The following LRRC7 variants were observed in gnomAD, a reference collection of about 807,000 sequenced individuals.
LRRC7 encodes leucine rich repeat containing 7.
In LRRC7, 23 loss-of-function variants were observed where a neutral mutation model predicts 175.7. The observed-to-expected ratio is 0.13, with a 90% CI of 0.09 to 0.19. The LOEUF is 0.19. Among genes scored for constraint, LRRC7 ranks in the 10% least tolerant of loss-of-function variants. LRRC7 has a pLI of 1.00. For synonymous variants in LRRC7, 685 were observed against 680.9 expected, an observed-to-expected ratio of 1.01 and a Z score of -0.09; for missense variants, 1,354 against 1,904.7, an observed-to-expected ratio of 0.71 and a Z score of 5.38.
At chr1:70,031,089 A>G (rs1381811688) in intron 18 of LRRC7, 5 of 152,198 alleles carry the variant, frequency 3.3e-5, no homozygotes, top group Non-Finnish European at 5.9e-5. Context: ...ATCCTCTATC[A>G]TGTCACATTG....
chr1:69,974,597 T>C (rs971359015), intron 8 of LRRC7, among the ~76,000 whole-genome samples: 5 of 152,198 alleles, frequency 3.3e-5, no homozygotes, highest in Non-Finnish European at 1.5e-5. Context: ...GTTGGTTGAA[T>C]GTAAGCCATT....
chr1:69,858,407 A>G (rs1683968488), intron 7 of LRRC7, among the ~76,000 whole-genome samples: 2 of 152,154 alleles, frequency 1.3e-5, no homozygotes, highest in Admixed American at 1.3e-4. Flanking sequence ...ACTCAAAGAA[A>G]TTTACAACCT....
Position 70,119,521 on chromosome 1 carries a change from A to T in LRRC7, c.4621-2259A>T, listed in dbSNP as rs200418656. Among the ~76,000 whole-genome samples the T allele has an allele frequency of 1.6e-3, 217 of 132,934 alleles. 1 individual carries two copies. The highest frequency in any genetic ancestry group is 6.2e-3 in the African/African-American group (203 of 32,730). The allele number at this position is 132,934 out of a possible 152,430, so 87.2% of individuals were successfully genotyped here. ...AGTGAGTACAAAACAGACATTCTTT[A>T]AAAAAAAAAAATGCTTAAGTAATCA... On this transcript the variant is annotated intron_variant, in intron 26 of 26. Coordinates refer to ENST00000651989, the MANE Select transcript of LRRC7 (RefSeq NM_001370785.2).
intron 14 of LRRC7, among the ~76,000 whole-genome samples, chr1:70,017,445 T>A (rs543269540): frequency 6.6e-5 from 10 of 152,172 alleles, no homozygotes; most frequent in Non-Finnish European, 1.2e-4. Flanking sequence ...AGATAACTGA[T>A]TTGCCTACAG....
chr1:69,891,247 C>A (rs969549766), intron 7 of LRRC7, among the ~76,000 whole-genome samples: 3 of 152,124 alleles, frequency 2.0e-5, no homozygotes, highest in Non-Finnish European at 2.9e-5. Context: ...ACTTAGAGAC[C>A]ATTATAGGGT....
intron 13 of LRRC7, among the ~76,000 whole-genome samples, chr1:70,016,038 C>T (rs1472125320): frequency 6.6e-6 from 1 of 152,106 alleles, no homozygotes; most frequent in East Asian, 1.9e-4. Flanking sequence ...AATGAGGAGT[C>T]AAGAAAAGCC....
intron 7 of LRRC7, among the ~76,000 whole-genome samples, chr1:69,896,153 T>C (rs1248706650): frequency 6.6e-6 from 1 of 152,132 alleles, no homozygotes; most frequent in African/African-American, 2.4e-5. Flanking sequence ...CTTCTTTTTT[T>C]TAATTGTATT....
intron 17 of LRRC7, among the ~76,000 whole-genome samples, chr1:70,026,539 C>T (rs1055391924): frequency 3.3e-5 from 5 of 151,998 alleles, no homozygotes; most frequent in South Asian, 2.1e-4. Flanking sequence ...TTTAAGAATA[C>T]ATTACAAATT....
chr1:69,751,945 TC>T (rs1669889847), intron 2 of LRRC7, among the ~76,000 whole-genome samples: 1 of 152,162 alleles, frequency 6.6e-6, no homozygotes, highest in Non-Finnish European at 1.5e-5. Flanking sequence ...AGTCCATTGA[TC>T]TTGGTGAAGA....
chr1:69,663,039 T>A (rs760997545), intron 1 of LRRC7, among the ~76,000 whole-genome samples: 1 of 152,222 alleles, frequency 6.6e-6, no homozygotes, highest in Non-Finnish European at 1.5e-5. Context: ...GTTCTTTTTT[T>A]TCCCTGGGCA....
chr1:69,928,766 A>C (rs1449286228), intron 7 of LRRC7, among the ~76,000 whole-genome samples: 2 of 152,180 alleles, frequency 1.3e-5, no homozygotes, highest in Non-Finnish European at 2.9e-5. Flanking sequence ...TTCCCAAGTG[A>C]GGCAATGCCT....
chr1:70,071,101 G>A (rs1396743499), intron 23 of LRRC7, among the ~76,000 whole-genome samples: 2 of 152,176 alleles, frequency 1.3e-5, no homozygotes, highest in Admixed American at 6.6e-5. Context: ...GTATTCAGCT[G>A]TAGTGGAGGA....
At chr1:69,820,997 A>G (rs952297420) in intron 4 of LRRC7, among the ~76,000 whole-genome samples, 1 of 152,092 alleles carries the variant, frequency 6.6e-6, no homozygotes, top group Non-Finnish European at 1.5e-5. Context: ...AAGCATTCCT[A>G]TTTCTCCACA....
intron 3 of LRRC7, among the ~76,000 whole-genome samples, chr1:69,789,010 G>T (rs1674813128): frequency 6.6e-6 from 1 of 152,034 alleles, no homozygotes; most frequent in African/African-American, 2.4e-5. Flanking sequence ...ATGAACAAAT[G>T]AATGAATGAA....
chr1:70,123,459 G>T lies in LRRC7; in HGVS notation c.*1572G>T, dbSNP rs1666305391. 1.3e-5 allele frequency: 2 copies of T among 152,092 alleles called. No homozygotes were observed. The highest frequency in any genetic ancestry group is 2.4e-5 in the African/African-American group (1 of 41,422). The allele number at this position is 152,092 out of a possible 1,614,324, so 9.4% of individuals were successfully genotyped here. On this transcript the variant is annotated 3_prime_UTR_variant, in exon 27 of 27. Coordinates refer to ENST00000651989, the MANE Select transcript of LRRC7 (RefSeq NM_001370785.2). ...ATTGAAAATATTGTATTTTTGTAGG[G>T]TCTATTAAAATGAGTGTCACTTATT... is the stretch of plus-strand genomic sequence containing the variant.
intron 3 of LRRC7, among the ~76,000 whole-genome samples, chr1:69,764,748 G>GATAC (rs1671431131): frequency 6.7e-6 from 1 of 149,790 alleles, no homozygotes; most frequent in African/African-American, 2.5e-5. Context: ...TAGATAGATA[G>GATAC]ATAGATAGAT....
At chr1:69,778,291 C>A (rs1353051536) in intron 3 of LRRC7, among the ~76,000 whole-genome samples, 1 of 152,152 alleles carries the variant, frequency 6.6e-6, no homozygotes, top group Non-Finnish European at 1.5e-5. Flanking sequence ...TGAATGCTTA[C>A]TCTGTTCCAG....
At chr1:69,980,343 G>A (rs762882678) in intron 8 of LRRC7, 36 bp from the exon 9 acceptor site, 1 of 1,500,092 alleles carries the variant, frequency 6.7e-7, no homozygotes, top group Non-Finnish European at 9.2e-7. Flanking sequence ...ATTTAATTTT[G>A]TTTTCCTCTC....
intron 7 of LRRC7, among the ~76,000 whole-genome samples, chr1:69,849,026 T>G (rs905641623): frequency 6.6e-6 from 1 of 152,124 alleles, no homozygotes; most frequent in Non-Finnish European, 1.5e-5. Flanking sequence ...CTAACTACTT[T>G]GCATTTCTAT....
Sources: gnomAD v4.1 joint callset for allele counts (sites outside exome capture counted in the v4.1 genomes callset) on GRCh38, gnomAD v4.1.1 for gene constraint, MANE v1.5 for transcripts, NCBI Gene and HGNC (gene_info 2026-07-23, HGNC 2026-07-21) for gene names.